BCL2L13: variants seen among roughly 807,000 people sequenced by gnomAD.
BCL2L13 encodes the protein BCL2 like 13, also known as bcl-2-like protein 13.
In BCL2L13, 13 loss-of-function variants were observed where a neutral mutation model predicts 25.8. The observed-to-expected ratio is 0.50, with a 90% confidence interval of 0.33 to 0.80. The LOEUF (loss-of-function observed/expected upper bound fraction) is 0.80. Ranked by LOEUF, BCL2L13 falls within the 30% of genes least tolerant of loss-of-function variation. BCL2L13 has a pLI of 0.02. For missense variants in BCL2L13, 504 were observed against 574.9 expected (o/e 0.88, Z 1.26); for synonymous variants, 244 against 230.3 (o/e 1.06, Z -0.54).
intron 4 of BCL2L13, among the ~76,000 whole-genome samples, chr22:17,693,372 G>GTTTGGTTTT (rs1284865411): frequency 2.3e-4 from 16 of 70,606 alleles, no homozygotes; most frequent in African/African-American, 7.8e-4. Context: ...TTTAGTGTTT[G>GTTTGGTTTT]TTTTTTTTTT....
intron 3 of BCL2L13, among the ~76,000 whole-genome samples, chr22:17,685,873 G>A (rs1195202352): frequency 1.5e-5 from 2 of 131,168 alleles, no homozygotes; most frequent in African/African-American, 2.8e-5. Flanking sequence ...CCAGCTTCAC[G>A]CCATTCTCCT....
intron 1 of BCL2L13, among the ~76,000 whole-genome samples, chr22:17,641,520 T>G (rs1473736122): frequency 6.6e-6 from 1 of 152,180 alleles, no homozygotes; most frequent in East Asian, 1.9e-4. Context: ...GCAAAAGGAT[T>G]GGAGTAGCTG....
At chr22:17,664,452 G>A (rs1392624299) in intron 2 of BCL2L13, among the ~76,000 whole-genome samples, 2 of 152,132 alleles carry the variant, frequency 1.3e-5, no homozygotes, top group Non-Finnish European at 2.9e-5. Flanking sequence ...GGCATTGAGT[G>A]TCTGTGGCTC....
intron 4 of BCL2L13, chr22:17,692,508 A>G (rs2060133397): frequency 6.6e-6 from 1 of 152,230 alleles, no homozygotes. Flanking sequence ...ACTGTGTAGT[A>G]TCTGCTGAAG....
At chr22:17,653,763 C>G (rs549660932) in intron 1 of BCL2L13, among the ~76,000 whole-genome samples, 2 of 152,106 alleles carry the variant, frequency 1.3e-5, no homozygotes, top group African/African-American at 4.8e-5. Context: ...CTTGTCCTTC[C>G]AAAGTGTTGG....
At chr22:17,631,177 A>C (rs1185135637) in intron 1 of BCL2L13, among the ~76,000 whole-genome samples, 1 of 150,768 alleles carries the variant, frequency 6.6e-6, no homozygotes, top group Non-Finnish European at 1.5e-5. Flanking sequence ...GCTCACTGCA[A>C]CCTCCACCTC....
chr22:17,643,622 TTTTA>T (rs2146407183), intron 1 of BCL2L13, among the ~76,000 whole-genome samples: 1 of 152,176 alleles, frequency 6.6e-6, no homozygotes, highest in African/African-American at 2.4e-5. Context: ...GCTTTTTTAT[TTTTA>T]TTTTATTTAT....
At chr22:17,662,973 G>A (rs1189274853) in intron 2 of BCL2L13, among the ~76,000 whole-genome samples, 1 of 151,902 alleles carries the variant, frequency 6.6e-6, no homozygotes. Flanking sequence ...TTGGGCTCAA[G>A]CAATTCTCCC....
chr22:17,672,638 A>T (rs1001051347), intron 2 of BCL2L13, among the ~76,000 whole-genome samples: 2 of 152,244 alleles, frequency 1.3e-5, no homozygotes, highest in African/African-American at 4.8e-5. Context: ...GGTCAGCTAA[A>T]TAAATAGCCT....
chr22:17,700,048 C>A (rs2145695770), intron 5 of BCL2L13, among the ~76,000 whole-genome samples: 1 of 152,212 alleles, frequency 6.6e-6, no homozygotes, highest in South Asian at 2.1e-4. Flanking sequence ...AATCATCTGA[C>A]ATAGCATGTA....
At chr22:17,646,950 TATA>T (rs1450147577) in intron 1 of BCL2L13, among the ~76,000 whole-genome samples, 55 of 38,746 alleles carry the variant, frequency 1.4e-3, no homozygotes, top group African/African-American at 6.5e-3. Flanking sequence ...TATATATATA[TATA>T]TATTTTTTTT....
chr22:17,668,863 A>G (rs1259371785), intron 2 of BCL2L13, among the ~76,000 whole-genome samples: 1 of 152,144 alleles, frequency 6.6e-6, no homozygotes, highest in African/African-American at 2.4e-5. Flanking sequence ...TCAAATTCAT[A>G]TTGTAACTTA....
chr22:17,689,398 A>G (rs1186566325), intron 4 of BCL2L13, among the ~76,000 whole-genome samples: 1 of 152,180 alleles, frequency 6.6e-6, no homozygotes, highest in African/African-American at 2.4e-5. Context: ...GTTTCACCGA[A>G]TGCTTTTACC....
chr22:17,704,172 G>T (rs1036549815), intron 6 of BCL2L13, among the ~76,000 whole-genome samples: 1 of 151,960 alleles, frequency 6.6e-6, no homozygotes, highest in African/African-American at 2.4e-5. Context: ...TGCAGCCTCC[G>T]CCTCCCAGGT....
upstream of BCL2L13, among the ~76,000 whole-genome samples, chr22:17,637,591 A>G (rs1225261081): frequency 6.6e-6 from 1 of 151,762 alleles, no homozygotes; most frequent in African/African-American, 2.4e-5. Flanking sequence ...TTGGCCAGGC[A>G]GGTCTGAAAC....
intron 4 of BCL2L13, 139 bp downstream of exon 4, chr22:17,689,281 C>G: frequency 1.3e-6 from 1 of 751,510 alleles, no homozygotes; most frequent in Non-Finnish European, 2.0e-6. Context: ...TCTTCATTTT[C>G]TTTCCCAAAG....
chr22:17,711,480 G>C (rs1001112293), intron 6 of BCL2L13, among the ~76,000 whole-genome samples: 4 of 151,762 alleles, frequency 2.6e-5, no homozygotes, highest in Non-Finnish European at 4.4e-5. Context: ...GTATGTTTTT[G>C]TAGAGGTGCA....
intron 4 of BCL2L13, chr22:17,695,900 C>A: frequency 3.0e-5 from 10 of 333,392 alleles, no homozygotes; most frequent in African/African-American, 4.2e-5. Context: ...AAAAAAATTA[C>A]TAGAATATAC....
chr22:17,703,316 A>T (rs1355084578), intron 6 of BCL2L13: 1 of 152,182 alleles, frequency 6.6e-6, no homozygotes, highest in East Asian at 1.9e-4. Context: ...ACGTATTTTA[A>T]ATCTTTCAGT....
Sources: gnomAD v4.1 joint callset for allele counts (sites outside exome capture counted in the v4.1 genomes callset) on GRCh38, gnomAD v4.1.1 for gene constraint, MANE v1.5 for transcripts, NCBI Gene and HGNC (gene_info 2026-07-23, HGNC 2026-07-21) for gene names.